Variants in ENPP1 observed in about 807,000 individuals in gnomAD.
The protein encoded by ENPP1 is ectonucleotide pyrophosphatase/phosphodiesterase family member 1.
Under a neutral mutation model 122.8 loss-of-function variants are expected in ENPP1, and 73 were observed. The ratio of observed to expected loss-of-function variants is 0.59; its 90% CI spans 0.49 to 0.72. ENPP1 has a LOEUF of 0.72. ENPP1 is among the 30% of genes least tolerant of loss of function. The pLI is 0.00. For synonymous variants in ENPP1, 367 were observed against 391.6 expected (o/e 0.94, Z 0.74); for missense variants, 978 against 1,128.1 (o/e 0.87, Z 1.91).
chr6:131,827,891 G>A, intron 1 of ENPP1: 1 of 1,400,074 alleles, frequency 7.1e-7, no homozygotes. Context: ...CTCACTGACT[G>A]CTCGGCCACT....
intron 1 of ENPP1, among the ~76,000 whole-genome samples, chr6:131,840,357 A>C (rs953908330): frequency 2.0e-5 from 3 of 152,244 alleles, no homozygotes; most frequent in Non-Finnish European, 4.4e-5. Context: ...ACTAAAACAA[A>C]AAAAGGAAAA....
chr6:131,886,926 C>CTTTTT (rs60409660), intron 24 of ENPP1, among the ~76,000 whole-genome samples: 12 of 110,610 alleles, frequency 1.1e-4, no homozygotes, highest in Middle Eastern at 4.5e-3. Flanking sequence ...TTACTTTTTT[C>CTTTTT]TTTTTTTTTT....
chr6:131,848,014 G>T (rs1781834949), intron 2 of ENPP1, among the ~76,000 whole-genome samples, 166 bp downstream of exon 2: 1 of 152,106 alleles, frequency 6.6e-6, no homozygotes, highest in Non-Finnish European at 1.5e-5. Context: ...TGAAGTTCTT[G>T]TATTATATTA....
chr6:131,885,905 T>A (rs766621922), intron 23 of ENPP1, among the ~76,000 whole-genome samples: 1 of 152,178 alleles, frequency 6.6e-6, no homozygotes, highest in Non-Finnish European at 1.5e-5. Flanking sequence ...GAGCCCTCTG[T>A]TTAAATCTGT....
At chr6:131,869,267 AT>A (rs1229930331) in intron 12 of ENPP1, 90 bp from the exon 13 acceptor site, 4 of 1,322,488 alleles carry the variant, frequency 3.0e-6, no homozygotes, top group Non-Finnish European at 4.3e-6. Context: ...TGTTTAACGA[AT>A]TTAACCTTGG....
chr6:131,842,850 A>G (rs1305725124), intron 1 of ENPP1, among the ~76,000 whole-genome samples: 4 of 152,164 alleles, frequency 2.6e-5, no homozygotes, highest in Non-Finnish European at 5.9e-5. Context: ...TACACATGAT[A>G]TTAATGCCAT....
chr6:131,881,073 TACAGG>T (rs907109743), intron 20 of ENPP1, among the ~76,000 whole-genome samples: 1 of 152,118 alleles, frequency 6.6e-6, no homozygotes, highest in African/African-American at 2.4e-5. Flanking sequence ...ACTGGCAAGG[TACAGG>T]ATGCCCTAAG....
chr6:131,874,841 T>C lies in ENPP1; in HGVS notation c.1635+504T>C, dbSNP rs549409166. Among the ~76,000 whole-genome samples the C allele has an allele frequency of 7.0e-4, 104 of 149,224 alleles. No individual in the cohort carries two copies. The East Asian group carries it at 0.011, about 16-fold the overall frequency. On this transcript the variant is annotated intron_variant, in intron 16 of 24. Transcript: ENST00000647893. ...AAAATGTGTGAGATATATATATATA[T>C]ACACACACACACACACATACCATGA...
chr6:131,874,009 A>G (rs1782197239), intron 15 of ENPP1, among the ~76,000 whole-genome samples: 1 of 152,140 alleles, frequency 6.6e-6, no homozygotes, highest in Non-Finnish European at 1.5e-5. Flanking sequence ...TTAATCACAC[A>G]GCCAATGTTC....
chr6:131,871,857 A>G (rs868795903), intron 13 of ENPP1, among the ~76,000 whole-genome samples: 1 of 152,206 alleles, frequency 6.6e-6, no homozygotes, highest in African/African-American at 2.4e-5. Flanking sequence ...CCCTTTAACA[A>G]TATGACACTA....
Position 131,893,949 on chromosome 6 carries a change from C to CTTTTTTTTT in ENPP1, c.*3460_*3468dup, listed in dbSNP as rs564304453. The stretch of plus-strand genomic sequence containing the variant: ...GTGAAACCTTTATTTATCTTGATTT[C>CTTTTTTTTT]TTTTTTTTTTTTTTTTTTTTTTTTT... On this transcript the variant is annotated 3_prime_UTR_variant, in exon 25 of 25. Transcript: ENST00000647893. 66 of 59,504 alleles carry CTTTTTTTTT rather than the reference C, an allele frequency of 1.1e-3. 1 individual carries two copies. The highest frequency in any genetic ancestry group is 1.6e-3 in the Non-Finnish European group (51 of 32,648). 3.7% of individuals were successfully genotyped at this position (59,504 alleles called of 1,614,324 possible).
intron 21 of ENPP1, among the ~76,000 whole-genome samples, chr6:131,883,170 A>C (rs893702868): frequency 6.6e-6 from 1 of 152,230 alleles, no homozygotes; most frequent in South Asian, 2.1e-4. Context: ...TACCGTCAGC[A>C]TCCAGTTCAG....
intron 24 of ENPP1, among the ~76,000 whole-genome samples, chr6:131,889,358 A>C (rs916846691): frequency 3.9e-5 from 6 of 152,054 alleles, no homozygotes; most frequent in African/African-American, 1.4e-4. Context: ...TCCATTAGCT[A>C]TTCTTTCTGA....
At chr6:131,819,222 A>G (rs1402226006) in intron 1 of ENPP1, among the ~76,000 whole-genome samples, 1 of 152,228 alleles carries the variant, frequency 6.6e-6, no homozygotes, top group Non-Finnish European at 1.5e-5. Flanking sequence ...TCAAAGTGCA[A>G]GATAGACTAA....
intron 7 of ENPP1, among the ~76,000 whole-genome samples, 157 bp from the exon 8 acceptor site, chr6:131,860,230 G>A (rs1394033200): frequency 2.0e-5 from 3 of 152,084 alleles, no homozygotes; most frequent in Middle Eastern, 3.2e-3. Flanking sequence ...AAGAGGTTGC[G>A]TTTTGCCATT....
rs746978177 is a variant in ENPP1, at chr6:131,884,890, C to T, written c.2312-41C>T. Reference sequence around the variant, plus strand: ...TTTATTTCACACGTCAACATGGTCCCTTGTTCTTTTGAAACTACACTGGCT... The same window carrying T: ...TTTATTTCACACGTCAACATGGTCCTTTGTTCTTTTGAAACTACACTGGCT... On this transcript the variant is annotated intron_variant, in intron 22 of 24. Transcript: ENST00000647893. 9 of 1,610,980 alleles carry T rather than the reference C, an allele frequency of 5.6e-6. No homozygotes were observed. The South Asian group carries it at 9.9e-5, about 18-fold the overall frequency.
intron 7 of ENPP1, among the ~76,000 whole-genome samples, chr6:131,859,862 C>T (rs555895782): frequency 1.3e-5 from 2 of 152,294 alleles, no homozygotes; most frequent in South Asian, 2.1e-4. Context: ...CTTCAAGGAG[C>T]CTGGCCAGGG....
intron 17 of ENPP1, among the ~76,000 whole-genome samples, chr6:131,876,426 A>G (rs909524061): frequency 1.3e-4 from 20 of 152,350 alleles, no homozygotes; most frequent in African/African-American, 4.6e-4. Flanking sequence ...ATATGTCTTA[A>G]GTATAATTCT....
intron 24 of ENPP1, among the ~76,000 whole-genome samples, chr6:131,888,460 G>T (rs1782418176): frequency 6.6e-6 from 1 of 152,046 alleles, no homozygotes; most frequent in Non-Finnish European, 1.5e-5. Context: ...AGGTGCTCTA[G>T]GTACTGAGGA....
Sources: gnomAD v4.1 joint callset for allele counts (sites outside exome capture counted in the v4.1 genomes callset) on GRCh38, gnomAD v4.1.1 for gene constraint, MANE v1.5 for transcripts, NCBI Gene and HGNC (gene_info 2026-07-23, HGNC 2026-07-21) for gene names.